ZNF8: variants seen among roughly 807,000 people sequenced by gnomAD.
The protein encoded by ZNF8 is zinc finger protein 8.
ZNF8 carries 9 observed loss-of-function variants against 12.2 expected under a neutral mutation model. The observed-to-expected ratio is 0.73, with a 90% CI of 0.44 to 1.28. The LOEUF (loss-of-function observed/expected upper bound fraction) is 1.28. Among genes scored for constraint, ZNF8 ranks in the 50% most tolerant of loss-of-function variants. ZNF8 has a pLI of 0.00. For missense variants in ZNF8, 664 were observed against 729.1 expected (o/e 0.91, Z 1.03); for synonymous variants, 274 against 282.3 (o/e 0.97, Z 0.30).
chr19:58,302,729 A>G lies in ZNF8; in HGVS notation c.*7193A>G, dbSNP rs2051497984. 1 of 152,260 alleles carries G rather than the reference A, an allele frequency of 6.6e-6. No individual in the cohort carries two copies. Among genetic ancestry groups the G allele is most frequent in the African/African-American group, 2.4e-5 (1 of 41,468 alleles). The allele number at this position is 152,260 out of a possible 1,614,324, so 9.4% of individuals were successfully genotyped here. On this transcript the variant is annotated 3_prime_UTR_variant, in exon 4 of 4. Transcript: ENST00000621650. ...GAGGGCAGTTTATCAGCCACTATCT[A>G]AATTACACATACATAAACCCTTTGT...
At chr19:58,289,499 G>GA (rs34989877) in intron 3 of ZNF8, among the ~76,000 whole-genome samples, 8,879 of 83,078 alleles carry the variant, frequency 0.11, 432 homozygotes, top group African/African-American at 0.19. Context: ...CTGTCTCAAA[G>GA]AAAAAAAAAA....
At chr19:58,282,573 A>C (rs2051356993) in intron 1 of ZNF8, among the ~76,000 whole-genome samples, 2 of 152,144 alleles carry the variant, frequency 1.3e-5, no homozygotes, top group South Asian at 4.1e-4. Flanking sequence ...ACAAAGATTT[A>C]TCTCTCTGTT....
chr19:58,292,657 C>T (rs763214128), intron 3 of ZNF8, among the ~76,000 whole-genome samples: 2 of 152,188 alleles, frequency 1.3e-5, no homozygotes, highest in Non-Finnish European at 2.9e-5. Context: ...ATATTCCATA[C>T]GAATGGAATC....
chr19:58,281,193 G>GA (rs1370610365), intron 1 of ZNF8, among the ~76,000 whole-genome samples: 1 of 152,142 alleles, frequency 6.6e-6, no homozygotes, highest in African/African-American at 2.4e-5. Context: ...GCATAGGGTT[G>GA]AAAAAATCCA....
In ZNF8 at chr19:58,301,341, G is replaced by T. The variant is rs2051490661; in HGVS notation, c.*5805G>T. 1 of 152,198 alleles carries T rather than the reference G, an allele frequency of 6.6e-6. No individual in the cohort carries two copies. The highest frequency in any genetic ancestry group is 2.1e-4 in the South Asian group (1 of 4,828). 9.4% of individuals were successfully genotyped at this position (152,198 alleles called of 1,614,324 possible). A position where few individuals can be genotyped will look rare whatever the true frequency, so the allele number is the denominator to read the frequency against. The stretch of plus-strand genomic sequence containing the variant: ...TTGATTTTGCCATGTAAACATTTCG[G>T]ATTTGCTTACTTCATCCCCACTGCC... On this transcript the variant is annotated 3_prime_UTR_variant, in exon 4 of 4. Transcript: ENST00000621650.
Position 58,290,320 on chromosome 19 carries a change from T to C in ZNF8, c.290-3778T>C, listed in dbSNP as rs1378935618. 2.0e-5 allele frequency among the ~76,000 whole-genome samples: 3 copies of C among 150,426 alleles called. No homozygotes were observed. In the Admixed American group the frequency reaches 2.0e-4, roughly 10 times the overall value. Reference sequence around the variant, plus strand: ...TAGTAGAGACGGGGTTTCACCGTGTTGGCCAGGATGGTCTCTATCTCCTGA... The same window carrying C: ...TAGTAGAGACGGGGTTTCACCGTGTCGGCCAGGATGGTCTCTATCTCCTGA... On this transcript the variant is annotated intron_variant, in intron 3 of 3. Coordinates refer to ENST00000621650, the MANE Select transcript of ZNF8 (RefSeq NM_021089.3).
intron 3 of ZNF8, chr19:58,286,475 C>T (rs923944951): frequency 8.1e-5 from 28 of 346,896 alleles, no homozygotes; most frequent in African/African-American, 5.6e-4. Context: ...CAGGCTCCCC[C>T]AGCACTCAGG....
chr19:58,287,446 CT>C (rs2051390607), intron 3 of ZNF8, among the ~76,000 whole-genome samples: 2 of 151,442 alleles, frequency 1.3e-5, no homozygotes, highest in South Asian at 4.2e-4. Context: ...GATCCTCCTG[CT>C]TCAGCCTCTT....
chr19:58,294,052 C>G lies in ZNF8; in HGVS notation c.290-46C>G, dbSNP rs527245943. ...TGGTGTTGGAGGCCTGTCCCCCTTC[C>G]GTTTTTTTCTCCCAACAGCTCAGAG... On this transcript the variant is annotated intron_variant, in intron 3 of 3. Coordinates refer to ENST00000621650, the MANE Select transcript of ZNF8 (RefSeq NM_021089.3). The surrounding 1 kb of genome is among the most constrained non-coding windows in gnomAD (Gnocchi z 5.5). The G allele has an allele frequency of 1.3e-6, 2 of 1,536,058 alleles. No homozygotes were observed. The highest frequency in any genetic ancestry group is 1.4e-5 in the African/African-American group (1 of 72,590).
intron 1 of ZNF8, 128 bp downstream of exon 1, chr19:58,279,275 C>G: frequency 6.6e-7 from 1 of 1,522,162 alleles, no homozygotes; most frequent in South Asian, 1.2e-5. Flanking sequence ...TGGGGAAACT[C>G]AGACGCGGGT....
chr19:58,279,385 C>A, intron 1 of ZNF8: 1 of 1,451,228 alleles, frequency 6.9e-7, no homozygotes, highest in Non-Finnish European at 9.1e-7. Flanking sequence ...TCTGTCCTCC[C>A]CAGGGCTGGG....
intron 1 of ZNF8, among the ~76,000 whole-genome samples, chr19:58,283,420 T>C (rs532869619): frequency 1.4e-4 from 22 of 152,164 alleles, no homozygotes; most frequent in African/African-American, 5.3e-4. Context: ...GTTATCAGGA[T>C]TGGACTCCCT....
intron 3 of ZNF8, among the ~76,000 whole-genome samples, chr19:58,289,475 G>A (rs58579336): frequency 2.0e-5 from 3 of 147,280 alleles, no homozygotes; most frequent in African/African-American, 5.0e-5. Flanking sequence ...CAGCCTGGGC[G>A]ACAGAGCAAA....
intron 3 of ZNF8, among the ~76,000 whole-genome samples, chr19:58,287,864 C>CTT (rs2051393708): frequency 2.8e-5 from 2 of 72,564 alleles, no homozygotes; most frequent in African/African-American, 5.0e-5. Context: ...TTTCTTTCTT[C>CTT]CTTTTTTTTT....
chr19:58,282,484 T>C (rs750296222), intron 1 of ZNF8, among the ~76,000 whole-genome samples: 2 of 152,234 alleles, frequency 1.3e-5, no homozygotes, highest in African/African-American at 2.4e-5. Context: ...GTTTTTGTTT[T>C]GATGAAGTCC....
At chr19:58,286,483 A>T in intron 3 of ZNF8, 1 of 333,626 alleles carries the variant, frequency 3.0e-6, no homozygotes. Context: ...CCCAGCACTC[A>T]GGTGTGACAC....
At position 58,295,143 on chromosome 19, in the gene ZNF8, A is replaced by G; in HGVS notation, c.1335A>G (p.Thr445=). The change falls in exon 4 of 4, where the codon ACA becomes ACG. Residue 445 remains threonine, a synonymous_variant. Coordinates refer to ENST00000621650, the MANE Select transcript of ZNF8 (RefSeq NM_021089.3). ...QTPALTKHEW[T]EALGCDPPLS... ...CAGCTCTCACAAAGCATGAATGGAC[A>G]GAAGCCCTGGGCTGTGACCCACCTT... 6.2e-7 allele frequency: 1 copy of G among 1,614,052 alleles called. No homozygotes were observed. Among genetic ancestry groups the G allele is most frequent in the Non-Finnish European group, 8.5e-7 (1 of 1,180,044 alleles).
chr19:58,295,422 G>A lies in ZNF8; in HGVS notation c.1614G>A (p.Leu538=), dbSNP rs975218424. ...AKAGQPESRA[L]ALFDIQKIMQ... ...CAGGGCAGCCGGAAAGCAGAGCCCTGGCTTTGTTTGACATCCAAAAAATCA... is the reference window on the plus strand; with the variant it reads ...CAGGGCAGCCGGAAAGCAGAGCCCTAGCTTTGTTTGACATCCAAAAAATCA... The change falls in exon 4 of 4, where the codon CTG becomes CTA. Residue 538 remains leucine, a synonymous_variant. Coordinates refer to ENST00000621650, the MANE Select transcript of ZNF8 (RefSeq NM_021089.3). The A allele has an allele frequency of 6.2e-7, 1 of 1,614,054 alleles. No homozygotes were observed. Among genetic ancestry groups the A allele is most frequent in the Non-Finnish European group, 8.5e-7 (1 of 1,180,022 alleles).
intron 3 of ZNF8, among the ~76,000 whole-genome samples, chr19:58,289,512 A>C (rs1365129564): frequency 6.6e-6 from 1 of 151,928 alleles, no homozygotes; most frequent in African/African-American, 2.4e-5. Flanking sequence ...AAAAAAAAAA[A>C]AAAAGGACAG....
Sources: allele counts gnomAD v4.1 joint callset (sites outside exome capture counted in the v4.1 genomes callset), GRCh38; gene constraint gnomAD v4.1.1; non-coding constraint Gnocchi (gnomAD v3.1); transcripts MANE v1.5; gene names NCBI Gene and HGNC (gene_info 2026-07-23, HGNC 2026-07-21).